Variants in GLDC observed in about 807,000 individuals in gnomAD.
The protein encoded by GLDC is glycine decarboxylase.
Under a neutral mutation model 121.3 loss-of-function variants are expected in GLDC, and 104 were observed. The observed-to-expected ratio is 0.86, with a 90% CI of 0.73 to 1.01. The LOEUF is 1.01. Ranked by LOEUF, GLDC falls within the 50% of genes least tolerant of loss-of-function variation. The probability of loss-of-function intolerance (pLI) is 0.00; values close to 1 mark genes in which losing one functional copy is unlikely to be tolerated. For synonymous variants in GLDC, 546 were observed against 480.6 expected, an observed-to-expected ratio of 1.14 and a Z score of -1.78; for missense variants, 1,429 against 1,306.6, an observed-to-expected ratio of 1.09 and a Z score of -1.44.
Position 6,606,674 on chromosome 9 carries a change from T to A in GLDC, c.636-5A>T, listed in dbSNP as rs1818740864. 4 of 1,581,262 alleles carry A rather than the reference T, an allele frequency of 2.5e-6. No individual in the cohort carries two copies. In the South Asian group the frequency reaches 4.4e-5, roughly 18 times the overall value. ...AATTTCCTCCTCTTGTTGTGTCTGT[T>A]GAAAAGAAAAAGCACATTCCAACGT... On this transcript the variant is annotated splice_polypyrimidine_tract_variant and splice_region_variant and intron_variant, in intron 4 of 24. Coordinates refer to ENST00000321612, the MANE Select transcript of GLDC (RefSeq NM_000170.3).
chr9:6,538,486 G>C (rs1817184092), intron 22 of GLDC, among the ~76,000 whole-genome samples: 1 of 152,130 alleles, frequency 6.6e-6, no homozygotes. Context: ...TTTAAGACCT[G>C]GAAACTGTGT....
intron 4 of GLDC, among the ~76,000 whole-genome samples, 172 bp from the exon 5 acceptor site, chr9:6,606,841 G>C (rs977159617): frequency 6.6e-6 from 1 of 152,168 alleles, no homozygotes; most frequent in South Asian, 2.1e-4. Flanking sequence ...GGGAGGCCGA[G>C]GCGGGCAGAT....
rs534870369 is a variant in GLDC at position 6,619,257 on chromosome 9, A to C, written c.470+927T>G. ...AGCATGCATAGCTCAGGCCTCTCTCATATCTTTTCTAGAAGAGCCTGTCTA... is the reference window on the plus strand; with the variant it reads ...AGCATGCATAGCTCAGGCCTCTCTCCTATCTTTTCTAGAAGAGCCTGTCTA... On this transcript the variant is annotated intron_variant, in intron 3 of 24. Transcript: ENST00000321612. Among the ~76,000 whole-genome samples, 27 of 151,420 alleles carry C rather than the reference A, an allele frequency of 1.8e-4. No homozygotes were observed. In the East Asian group the frequency reaches 4.8e-3, roughly 27 times the overall value.
At chr9:6,547,865 C>T (rs1054380909) in intron 21 of GLDC, among the ~76,000 whole-genome samples, 1 of 152,160 alleles carries the variant, frequency 6.6e-6, no homozygotes, top group African/African-American at 2.4e-5. Flanking sequence ...TGCAGTGGCT[C>T]ACACCCATAA....
chr9:6,558,767 G>T, intron 16 of GLDC, 83 bp from the exon 17 acceptor site: 2 of 1,456,766 alleles, frequency 1.4e-6, no homozygotes, highest in Non-Finnish European at 1.9e-6. Context: ...CAACATGCTT[G>T]TAGCACAAAT....
rs1251538998 is a variant in GLDC, at chr9:6,587,163, G to A, written c.1828C>T (p.Gln610Ter). The A allele has an allele frequency of 1.2e-6, 2 of 1,613,446 alleles. No individual in the cohort carries two copies. The highest frequency in any genetic ancestry group is 2.2e-5 in the East Asian group (1 of 44,894). ...KDLCELTGYD[Q>*]VCFQPNSGAQ... ...TACCTGTTTGGCTGGAAACAGACCT[G>A]GTCATAACCTGTGAGTTCACACAAA... is the stretch of plus-strand genomic sequence containing the variant. The change falls in exon 15 of 25, where the codon CAG (glutamine) becomes TAG (stop). Residue 610 changes from glutamine (Q) to a stop codon, truncating the protein, a stop_gained. Coordinates refer to ENST00000321612, the MANE Select transcript of GLDC (RefSeq NM_000170.3). LOFTEE classifies it high-confidence loss of function.
At chr9:6,592,699 T>C (rs1818398226) in intron 10 of GLDC, 152 bp downstream of exon 10, 2 of 699,848 alleles carry the variant, frequency 2.9e-6, no homozygotes, top group South Asian at 1.9e-5. Flanking sequence ...AAGACCACAG[T>C]GTTGCATAAT....
At position 6,602,092 on chromosome 9, in the gene GLDC, T is replaced by C. The variant is rs1287479966; in HGVS notation, c.1155+17A>G. On this transcript the variant is annotated intron_variant, in intron 8 of 24. Coordinates refer to ENST00000321612, the MANE Select transcript of GLDC (RefSeq NM_000170.3). ...TATCGTAAGGCATTCAGTAGTCAGGTCAGACGTGTGATTTACCTGAGCTGT... is the reference window on the plus strand; with the variant it reads ...TATCGTAAGGCATTCAGTAGTCAGGCCAGACGTGTGATTTACCTGAGCTGT... 1.4e-6 allele frequency: 2 copies of C among 1,453,224 alleles called. No individual in the cohort carries two copies. The highest frequency in any genetic ancestry group is 1.7e-5 in the Admixed American group (1 of 59,860). 90.0% of individuals were successfully genotyped at this position (1,453,224 alleles called of 1,614,324 possible).
chr9:6,618,869 C>T (rs559584884), intron 3 of GLDC, among the ~76,000 whole-genome samples: 6 of 151,560 alleles, frequency 4.0e-5, no homozygotes, highest in Non-Finnish European at 7.4e-5. Context: ...CTTGGCTGGG[C>T]GCGGTGGCTC....
chr9:6,621,866 CCT>C (rs1396551901), intron 2 of GLDC, among the ~76,000 whole-genome samples: 1 of 152,140 alleles, frequency 6.6e-6, no homozygotes, highest in African/African-American at 2.4e-5. Flanking sequence ...TCTTTCTTTA[CCT>C]CTCTGCATAG....
intron 2 of GLDC, among the ~76,000 whole-genome samples, chr9:6,620,834 G>A (rs530438297): frequency 6.6e-6 from 1 of 152,080 alleles, no homozygotes; most frequent in Non-Finnish European, 1.5e-5. Flanking sequence ...TTATAAAAAG[G>A]CCATCACTCA....
intron 21 of GLDC, among the ~76,000 whole-genome samples, chr9:6,545,088 A>C (rs1817359141): frequency 7.2e-6 from 1 of 139,452 alleles, no homozygotes; most frequent in Non-Finnish European, 1.5e-5. Context: ...AACAAGAGCG[A>C]AACTCTGTCT....
At chr9:6,627,434 T>C (rs1264830020) in intron 2 of GLDC, among the ~76,000 whole-genome samples, 10 of 152,102 alleles carry the variant, frequency 6.6e-5, no homozygotes, top group Non-Finnish European at 1.3e-4. Context: ...CTAGTCTCTA[T>C]AGGACCACCC....
intron 21 of GLDC, among the ~76,000 whole-genome samples, chr9:6,547,288 G>A (rs1282996731): frequency 6.6e-6 from 1 of 152,196 alleles, no homozygotes; most frequent in Admixed American, 6.5e-5. Flanking sequence ...AGAGTCAGCT[G>A]TGAAGGAGAA....
At chr9:6,602,472 T>C (rs576472025) in intron 7 of GLDC, among the ~76,000 whole-genome samples, 39 of 151,330 alleles carry the variant, frequency 2.6e-4, no homozygotes, top group African/African-American at 9.5e-4. Context: ...TGCCTTCTGG[T>C]TTCAAACGAT....
intron 8 of GLDC, among the ~76,000 whole-genome samples, chr9:6,597,014 T>C (rs1375308699): frequency 6.6e-6 from 1 of 152,206 alleles, no homozygotes; most frequent in Admixed American, 6.5e-5. Context: ...ATGTAGCATG[T>C]CCAAACAATG....
chr9:6,639,800 T>C (rs1174436326), intron 2 of GLDC, among the ~76,000 whole-genome samples: 1 of 151,786 alleles, frequency 6.6e-6, no homozygotes, highest in Non-Finnish European at 1.5e-5. Flanking sequence ...ACCCGCTTAC[T>C]TAGAATAAAC....
At chr9:6,582,139 T>C (rs1314495484) in intron 15 of GLDC, among the ~76,000 whole-genome samples, 2 of 141,308 alleles carry the variant, frequency 1.4e-5, no homozygotes, top group African/African-American at 2.7e-5. Flanking sequence ...TGCTTCAACC[T>C]GAGAGGCGGA....
chr9:6,643,226 G>C (rs1357717938), intron 2 of GLDC, among the ~76,000 whole-genome samples: 1 of 151,782 alleles, frequency 6.6e-6, no homozygotes, highest in Non-Finnish European at 1.5e-5. Flanking sequence ...AATGGAAATA[G>C]ATAAGGCTTC....
Sources: allele counts gnomAD v4.1 joint callset (sites outside exome capture counted in the v4.1 genomes callset), GRCh38; gene constraint gnomAD v4.1.1; transcripts MANE v1.5; gene names NCBI Gene and HGNC (gene_info 2026-07-23, HGNC 2026-07-21).